Variants in CCDC13 observed in about 807,000 individuals in gnomAD.
CCDC13 encodes the protein coiled-coil domain-containing protein 13.
CCDC13 carries 70 observed loss-of-function variants against 87.3 expected under a neutral mutation model. The ratio of observed to expected loss-of-function variants is 0.80; its 90% CI spans 0.66 to 0.98. The LOEUF (loss-of-function observed/expected upper bound fraction) is 0.98, where lower values mean the gene tolerates loss of function less well. Among genes scored for constraint, CCDC13 ranks in the 50% least tolerant of loss-of-function variants. The pLI is 0.00. For missense variants in CCDC13, 842 were observed against 892.0 expected (o/e 0.94, Z 0.71); for synonymous variants, 317 against 360.3 (o/e 0.88, Z 1.36).
intron 14 of CCDC13, among the ~76,000 whole-genome samples, chr3:42,711,510 T>C (rs532646794): frequency 2.6e-5 from 4 of 152,320 alleles, no homozygotes; most frequent in African/African-American, 9.6e-5. Flanking sequence ...TGAATTCTAT[T>C]TGGCTCTCAA....
intron 14 of CCDC13, 54 bp from the exon 15 acceptor site, chr3:42,709,852 A>C (rs1025691616): frequency 3.4e-5 from 45 of 1,342,806 alleles, no homozygotes; most frequent in East Asian, 9.3e-5. Context: ...CTGTGCTAGC[A>C]CCCTGCTTCT....
At position 42,708,955 on chromosome 3, in the gene CCDC13, G is replaced by A; in HGVS notation, c.*25C>T. On this transcript the variant is annotated 3_prime_UTR_variant, in exon 16 of 16. Transcript: ENST00000310232. ...CTCAAGACCTGAGGCTGCCCACCCG[G>A]CCAGGCCGACACTGGGCTGTCATCC... is the stretch of plus-strand genomic sequence containing the variant. 6.3e-7 allele frequency: 1 copy of A among 1,596,692 alleles called. No homozygotes were observed. Among genetic ancestry groups the A allele is most frequent in the Middle Eastern group, 1.7e-4 (1 of 5,982 alleles).
chr3:42,735,749 T>G lies in CCDC13; in HGVS notation c.1329A>C (p.Lys443Asn). The G allele has an allele frequency of 6.2e-7, 1 of 1,614,248 alleles. No homozygotes were observed. The highest frequency in any genetic ancestry group is 8.5e-7 in the Non-Finnish European group (1 of 1,180,040). Residue 443 changes from lysine (K) to asparagine (N), a missense_variant, in exon 10 of 16, where the codon AAA becomes AAC. Lys to Asn is a moderately conservative substitution (Grantham distance 94). Coordinates refer to ENST00000310232, the MANE Select transcript of CCDC13 (RefSeq NM_144719.4). ...CGATCTCCATCTCCAGCTGTCGCAC[T>G]TTGGCCTCCCGCTCAGCTACCATGG... ...LQAMVAEREA[K>N]VRQLEMEIGQ...
In CCDC13 at chr3:42,743,033, C is replaced by G. The variant is rs755634496; in HGVS notation, c.850G>C (p.Gly284Arg). The change falls in exon 8 of 16, where the codon GGC (glycine) becomes CGC (arginine). Residue 284 changes from glycine to arginine, a missense_variant. Gly to Arg is a moderately radical substitution (Grantham distance 125, BLOSUM62 -2). Coordinates refer to ENST00000310232, the MANE Select transcript of CCDC13 (RefSeq NM_144719.4). ...SKVQELEKQL[G>R]QARSQSAGTA... ...CCCGCAGACTGGCTCCGGGCCTGGCCCAATTGCTTCTCAAGCTCTTGAACC... is the reference window on the plus strand; with the variant it reads ...CCCGCAGACTGGCTCCGGGCCTGGCGCAATTGCTTCTCAAGCTCTTGAACC... The G allele has an allele frequency of 6.2e-7, 1 of 1,614,094 alleles. No homozygotes were observed. Among genetic ancestry groups the G allele is most frequent in the East Asian group, 2.2e-5 (1 of 44,874 alleles).
chr3:42,761,395 T>C (rs1440721964), intron 1 of CCDC13, among the ~76,000 whole-genome samples: 1 of 152,230 alleles, frequency 6.6e-6, no homozygotes, highest in Non-Finnish European at 1.5e-5. Context: ...AAGGCATCCC[T>C]GCCCTCGCTC....
intron 5 of CCDC13, chr3:42,750,055 A>C: frequency 2.5e-6 from 1 of 401,532 alleles, no homozygotes; most frequent in South Asian, 1.8e-5. Flanking sequence ...CCCATCACAC[A>C]CTCTTCTCTC....
chr3:42,704,684 T>C (rs1005653511), downstream of CCDC13: 5 of 152,366 alleles, frequency 3.3e-5, no homozygotes, highest in Admixed American at 2.0e-4. Context: ...GGAAGTCCCA[T>C]GGATCTGTGG....
intron 1 of CCDC13, among the ~76,000 whole-genome samples, chr3:42,763,618 C>T (rs974194769): frequency 1.3e-5 from 2 of 151,950 alleles, no homozygotes; most frequent in African/African-American, 4.8e-5. Context: ...AATTCTCCTG[C>T]CTCAGCCTTC....
At chr3:42,765,663 GGA>G in intron 1 of CCDC13, among the ~76,000 whole-genome samples, 2 of 152,334 alleles carry the variant, frequency 1.3e-5, no homozygotes, top group East Asian at 1.9e-4. Flanking sequence ...GGCTGTCTGG[GGA>G]GAGAGAAGCT....
chr3:42,739,610 C>T, intron 9 of CCDC13, 24 bp downstream of exon 9: 1 of 1,606,930 alleles, frequency 6.2e-7, no homozygotes, highest in East Asian at 2.2e-5. Context: ...TGGCTCTCGC[C>T]CTGCCTGAGT....
At chr3:42,759,841 G>A (rs1227445929) in intron 1 of CCDC13, among the ~76,000 whole-genome samples, 2 of 150,574 alleles carry the variant, frequency 1.3e-5, no homozygotes, top group Non-Finnish European at 2.9e-5. Flanking sequence ...TGGCTTATAT[G>A]GTAATTTATG....
intron 1 of CCDC13, among the ~76,000 whole-genome samples, chr3:42,758,684 T>C (rs1699764799): frequency 6.6e-6 from 1 of 152,370 alleles, no homozygotes; most frequent in Middle Eastern, 3.4e-3. Context: ...AACTCCTAAA[T>C]AACAATGCCT....
Position 42,747,331 on chromosome 3 carries a change from C to A in CCDC13, c.646G>T (p.Ala216Ser), listed in dbSNP as rs73829283. 26,854 of 1,614,040 alleles carry A rather than the reference C, an allele frequency of 0.017. 1,365 individuals carry two copies. In the East Asian group the frequency reaches 0.19, roughly 11 times the overall value. The change falls in exon 6 of 16, where the codon GCC becomes TCC. Residue 216 changes from alanine to serine, a missense_variant. Physicochemically the swap from Ala to Ser is moderately conservative, Grantham distance 99. Transcript: ENST00000310232. ...EVKALQDRLV[A>S]TNLKMSDLRN... ...AGGTCACTCATCTTCAAGTTGGTGGCCACCAGCCTGTCCTGCAGGGCCTTC... is the reference window on the plus strand; with the variant it reads ...AGGTCACTCATCTTCAAGTTGGTGGACACCAGCCTGTCCTGCAGGGCCTTC...
chr3:42,730,431 G>A (rs1274215718), intron 13 of CCDC13, 36 bp downstream of exon 13: 4 of 1,603,126 alleles, frequency 2.5e-6, no homozygotes, highest in Non-Finnish European at 3.4e-6. Flanking sequence ...ACCACATGCA[G>A]GCCTATGGGA....
intron 9 of CCDC13, among the ~76,000 whole-genome samples, chr3:42,737,851 T>G (rs1305218027): frequency 6.6e-6 from 1 of 152,218 alleles, no homozygotes; most frequent in Non-Finnish European, 1.5e-5. Flanking sequence ...TTTATCCCAT[T>G]CTTTAGGTTG....
At chr3:42,741,484 C>G (rs1367368245) in intron 8 of CCDC13, among the ~76,000 whole-genome samples, 1 of 152,196 alleles carries the variant, frequency 6.6e-6, no homozygotes, top group Non-Finnish European at 1.5e-5. Context: ...CACCTGTAAT[C>G]CCAGCACTTT....
Position 42,706,739 on chromosome 3 carries a change from T to C in CCDC13, c.*2241A>G, listed in dbSNP as rs559545320. On this transcript the variant is annotated 3_prime_UTR_variant, in exon 16 of 16. Transcript: ENST00000310232. The stretch of plus-strand genomic sequence containing the variant: ...TTGTTGAAATCAGTCTATAGATACA[T>C]GTTCCTTGTACAGAAATAAACAGAG... 1 of 152,374 alleles carries C rather than the reference T, an allele frequency of 6.6e-6. No individual in the cohort carries two copies. Among genetic ancestry groups the C allele is most frequent in the African/African-American group, 2.4e-5 (1 of 41,588 alleles). 9.4% of individuals were successfully genotyped at this position (152,374 alleles called of 1,614,324 possible).
chr3:42,721,174 A>G (rs1698552004), intron 13 of CCDC13, among the ~76,000 whole-genome samples: 1 of 152,248 alleles, frequency 6.6e-6, no homozygotes, highest in Non-Finnish European at 1.5e-5. Flanking sequence ...AATAATTATT[A>G]CATAAAATCA....
rs1303079527 is a variant in CCDC13, at chr3:42,706,667, T to C, written c.*2313A>G. ...AAAAATGTGCAAACAAGATTTCCTG[T>C]GCCTGCCTGTCTGCAGTTTTTCTTT... is the stretch of plus-strand genomic sequence containing the variant. On this transcript the variant is annotated 3_prime_UTR_variant, in exon 16 of 16. Coordinates refer to ENST00000310232, the MANE Select transcript of CCDC13 (RefSeq NM_144719.4). The C allele has an allele frequency of 6.6e-6, 1 of 152,280 alleles. No individual in the cohort carries two copies. The highest frequency in any genetic ancestry group is 2.4e-5 in the African/African-American group (1 of 41,474). The allele number at this position is 152,280 out of a possible 1,614,324, so 9.4% of individuals were successfully genotyped here. A position where few individuals can be genotyped will look rare whatever the true frequency, so the allele number is the denominator to read the frequency against.
Sources: allele counts gnomAD v4.1 joint callset (sites outside exome capture counted in the v4.1 genomes callset), GRCh38; gene constraint gnomAD v4.1.1; transcripts MANE v1.5; gene names NCBI Gene and HGNC (gene_info 2026-07-23, HGNC 2026-07-21).